The following RIF1 variants were observed in gnomAD, a reference collection of about 807,000 sequenced individuals.
RIF1 encodes the protein telomere-associated protein RIF1.
In RIF1, 45 loss-of-function variants were observed where a neutral mutation model predicts 247.1. The ratio of observed to expected loss-of-function variants is 0.18; its 90% CI spans 0.14 to 0.23. The LOEUF is 0.23. RIF1 is among the 10% of genes least tolerant of loss of function. RIF1 has a pLI of 1.00. For missense variants in RIF1, 2,967 were observed against 2,862.5 expected (o/e 1.04, Z -0.83); for synonymous variants, 1,087 against 978.8 (o/e 1.11, Z -2.06).
At chr2:151,514,411 A>C in the RIF1 span, 43 of 1,611,910 alleles carry the variant, frequency 2.7e-5, no homozygotes, top group South Asian at 4.2e-4. Context: ...TTTCCTCTAG[A>C]TCTTTCCTGT....
At chr2:151,517,900 TA>T in the RIF1 span, among the ~76,000 whole-genome samples, 3 of 152,226 alleles carry the variant, frequency 2.0e-5, no homozygotes, top group Non-Finnish European at 4.4e-5. Context: ...GACTGTATCT[TA>T]AAAATTTAGT....
chr2:151,490,486 G>T, intron 9 of RIF1: 1 of 1,609,356 alleles, frequency 6.2e-7, no homozygotes. Context: ...CTGGCAGATC[G>T]TGACTGCTCC....
the RIF1 span, among the ~76,000 whole-genome samples, chr2:151,517,213 A>G: frequency 6.6e-6 from 1 of 152,190 alleles, no homozygotes; most frequent in Non-Finnish European, 1.5e-5. Context: ...TCCTCATAAC[A>G]TGTGGTTAAG....
At position 151,454,928 on chromosome 2, in the gene RIF1, A is replaced by G. The variant is rs781574010; in HGVS notation, c.2378A>G (p.Lys793Arg). Residue 793 changes from lysine (K) to arginine (R), a missense_variant, in exon 22 of 36, where the codon AAG becomes AGG. Coordinates refer to ENST00000444746, the MANE Select transcript of RIF1 (RefSeq NM_018151.5). Reference protein sequence around the residue: ...PQRPSDWSKKKNEPLGKLTSL... With the variant: ...PQRPSDWSKKRNEPLGKLTSL... ...AGACCTTCAGATTGGTCCAAAAAGA[A>G]GAATGAGCCCCTAGGGAAATTGACT... 6.2e-7 allele frequency: 1 copy of G among 1,610,912 alleles called. No individual in the cohort carries two copies. The highest frequency in any genetic ancestry group is 1.1e-5 in the South Asian group (1 of 90,360).
At chr2:151,493,230 T>C in intron 9 of RIF1, 1 of 752,838 alleles carries the variant, frequency 1.3e-6, no homozygotes, top group Non-Finnish European at 2.2e-6. Context: ...TTCCAAGATG[T>C]TGCATTTTTC....
At chr2:151,438,466 C>G (rs1472833680) in intron 13 of RIF1, among the ~76,000 whole-genome samples, 1 of 151,990 alleles carries the variant, frequency 6.6e-6, no homozygotes, top group Non-Finnish European at 1.5e-5. Flanking sequence ...CAGAGCAAGA[C>G]CCTGTCTGAA....
At chr2:151,494,063 A>G (rs973723501) in intron 9 of RIF1, 2 of 1,083,868 alleles carry the variant, frequency 1.8e-6, no homozygotes, top group African/African-American at 1.6e-5. Context: ...TGTAACTGGC[A>G]TTTTGTTTGT....
At chr2:151,421,552 C>T (rs1162211932) in intron 7 of RIF1, among the ~76,000 whole-genome samples, 2 of 152,130 alleles carry the variant, frequency 1.3e-5, no homozygotes, top group South Asian at 2.1e-4. Flanking sequence ...CTCTAGATTA[C>T]ATGGAAAGCC....
chr2:151,436,622 G>A (rs1691269441), intron 11 of RIF1, among the ~76,000 whole-genome samples: 1 of 151,450 alleles, frequency 6.6e-6, no homozygotes, highest in Non-Finnish European at 1.5e-5. Flanking sequence ...ATATACATGT[G>A]TGTCATATGT....
At chr2:151,488,303 A>T (rs1281234220) in intron 9 of RIF1, among the ~76,000 whole-genome samples, 2 of 152,072 alleles carry the variant, frequency 1.3e-5, no homozygotes, top group African/African-American at 2.4e-5. Flanking sequence ...CCAGACTTTT[A>T]TACTTCTAGA....
At chr2:151,429,819 A>G (rs1375388169) in intron 9 of RIF1, among the ~76,000 whole-genome samples, 1 of 152,196 alleles carries the variant, frequency 6.6e-6, no homozygotes, top group African/African-American at 2.4e-5. Flanking sequence ...ACAAGAAAGA[A>G]TATTTAGCCC....
chr2:151,491,049 T>C (rs2056151407), intron 9 of RIF1, among the ~76,000 whole-genome samples: 1 of 149,120 alleles, frequency 6.7e-6, no homozygotes, highest in Non-Finnish European at 1.5e-5. Context: ...TTTTTTTTTT[T>C]TTTGAGATGG....
At chr2:151,467,728 A>G (rs1025513371) in intron 30 of RIF1, among the ~76,000 whole-genome samples, 2 of 152,166 alleles carry the variant, frequency 1.3e-5, no homozygotes, top group African/African-American at 4.8e-5. Context: ...TAACTGCCAC[A>G]TCTGGCTTCG....
downstream of RIF1, among the ~76,000 whole-genome samples, chr2:151,510,959 C>G (rs2073790301): frequency 6.6e-6 from 1 of 152,224 alleles, no homozygotes; most frequent in Admixed American, 6.5e-5. Context: ...CACCATCTCA[C>G]CAGTATTTAC....
At chr2:151,498,017 G>GGTGTT in intron 10 of RIF1, 4 of 1,435,164 alleles carry the variant, frequency 2.8e-6, no homozygotes, top group Middle Eastern at 3.7e-4. Context: ...GTTAGAACTC[G>GGTGTT]GTGTTGTTAT....
chr2:151,533,956 G>T, the RIF1 span, among the ~76,000 whole-genome samples: 2 of 152,156 alleles, frequency 1.3e-5, no homozygotes, highest in African/African-American at 4.8e-5. Context: ...TTTTCAAACA[G>T]GTTCTCCAGA....
At chr2:151,525,194 T>C in the RIF1 span, 1 of 1,613,958 alleles carries the variant, frequency 6.2e-7, no homozygotes, top group South Asian at 1.1e-5. Context: ...TTCCATAGCA[T>C]GTTTCACCTC....
Position 151,422,930 on chromosome 2 carries a change from T to C in RIF1, c.694-20T>C. 1 of 1,317,802 alleles carries C rather than the reference T, an allele frequency of 7.6e-7. No homozygotes were observed. The highest frequency in any genetic ancestry group is 1.1e-6 in the Non-Finnish European group (1 of 922,486). The allele number at this position is 1,317,802 out of a possible 1,614,324, so 81.6% of individuals were successfully genotyped here. A position where few individuals can be genotyped will look rare whatever the true frequency, so the allele number is the denominator to read the frequency against. ...TTTTTCTAAGAGTCTGTTTGGTAAA[T>C]TAATTGCTTTTGTTTGCAGAAATTA... is the stretch of plus-strand genomic sequence containing the variant. On this transcript the variant is annotated intron_variant, in intron 7 of 35. Transcript: ENST00000444746.
downstream of RIF1, chr2:151,485,419 AGC>A (rs1224322040): frequency 5.5e-6 from 1 of 182,502 alleles, no homozygotes; most frequent in Non-Finnish European, 1.1e-5. Flanking sequence ...AGAAATAATA[AGC>A]ATTAGCAATC....
Sources: gnomAD v4.1 joint callset for allele counts (sites outside exome capture counted in the v4.1 genomes callset) on GRCh38, gnomAD v4.1.1 for gene constraint, MANE v1.5 for transcripts, NCBI Gene and HGNC (gene_info 2026-07-23, HGNC 2026-07-21) for gene names.